Variants in ZWILCH observed in about 807,000 individuals in gnomAD.
The protein encoded by ZWILCH is zwilch kinetochore protein, also known as protein zwilch homolog.
Under a neutral mutation model 79.9 loss-of-function variants are expected in ZWILCH, and 74 were observed. The ratio of observed to expected loss-of-function variants is 0.93; its 90% CI spans 0.77 to 1.12. ZWILCH has a LOEUF of 1.12. Among genes scored for constraint, ZWILCH ranks in the 50% most tolerant of loss-of-function variants. The pLI is 0.00. For missense variants in ZWILCH, 694 were observed against 687.5 expected (o/e 1.01, Z -0.11); for synonymous variants, 241 against 228.2 (o/e 1.06, Z -0.51).
rs1894730574 is a variant in ZWILCH, at chr15:66,527,917, G to A, written c.969+5G>A. 13 of 1,595,358 alleles carry A rather than the reference G, an allele frequency of 8.1e-6. No individual in the cohort carries two copies. The highest frequency in any genetic ancestry group is 1.1e-5 in the Non-Finnish European group (13 of 1,173,334). On this transcript the variant is annotated splice_donor_5th_base_variant and intron_variant, in intron 10 of 18. Coordinates refer to ENST00000307897, the MANE Select transcript of ZWILCH (RefSeq NM_017975.5). ...AAAAAAGACACTGAGGTTGAGGTAA[G>A]TGATTATTATCAGTTAGAAATATAC...
At position 66,511,900 on chromosome 15, in the gene ZWILCH, C is replaced by A. The variant is rs572963819; in HGVS notation, c.106-2088C>A. ...AAAGTGCTGGGATTACATTCGTGAGCCACTGCACCCAGCCGTGAAAATGCT... is the reference window on the plus strand; with the variant it reads ...AAAGTGCTGGGATTACATTCGTGAGACACTGCACCCAGCCGTGAAAATGCT... On this transcript the variant is annotated intron_variant, in intron 2 of 18. Coordinates refer to ENST00000307897, the MANE Select transcript of ZWILCH (RefSeq NM_017975.5). Among the ~76,000 whole-genome samples the A allele has an allele frequency of 2.6e-4, 40 of 152,216 alleles. No individual in the cohort carries two copies. The South Asian group carries it at 3.1e-3, about 12-fold the overall frequency.
chr15:66,505,416 TG>T, intron 1 of ZWILCH, 25 bp downstream of exon 1: 1 of 1,613,534 alleles, frequency 6.2e-7, no homozygotes, highest in Non-Finnish European at 8.5e-7. Context: ...TTCTTTTGGC[TG>T]GGGTCCTGGG....
In ZWILCH at chr15:66,544,724, TTGTGTGTG is replaced by T. The variant is rs1555426547; in HGVS notation, c.1688-1839_1688-1832del. ...TGTTTTTTTGTTGTTTTTTTGGTTT[TTGTGTGTG>T]TGTGTGTGTGTGTGTGTGTGTGTGT... On this transcript the variant is annotated intron_variant, in intron 17 of 18. Coordinates refer to ENST00000307897, the MANE Select transcript of ZWILCH (RefSeq NM_017975.5). Among the ~76,000 whole-genome samples the T allele has an allele frequency of 4.7e-5, 6 of 128,544 alleles. No homozygotes were observed. The East Asian group carries it at 7.4e-4, about 16-fold the overall frequency. The allele number at this position is 128,544 out of a possible 152,430, so 84.3% of individuals were successfully genotyped here.
chr15:66,507,804 G>C (rs1400919266), intron 1 of ZWILCH, among the ~76,000 whole-genome samples: 2 of 152,018 alleles, frequency 1.3e-5, no homozygotes, highest in Non-Finnish European at 2.9e-5. Flanking sequence ...GTGGTGGCAG[G>C]CTCCTGTAGT....
In ZWILCH at chr15:66,549,866, G is replaced by T; in HGVS notation, c.*1542G>T. ...GTTTATCTTTCATGGTAGATTAAATGCTTTAAAATGCTTATAAATAGAAAT... is the reference window on the plus strand; with the variant it reads ...GTTTATCTTTCATGGTAGATTAAATTCTTTAAAATGCTTATAAATAGAAAT... On this transcript the variant is annotated 3_prime_UTR_variant, in exon 19 of 19. Transcript: ENST00000307897. 2.1e-6 allele frequency: 1 copy of T among 466,020 alleles called. No individual in the cohort carries two copies. The highest frequency in any genetic ancestry group is 4.5e-5 in the South Asian group (1 of 22,188). The allele number at this position is 466,020 out of a possible 1,614,324, so 28.9% of individuals were successfully genotyped here. A position where few individuals can be genotyped will look rare whatever the true frequency, so the allele number is the denominator to read the frequency against.
At chr15:66,523,438 A>T (rs1894572324) in intron 7 of ZWILCH, 1 of 355,134 alleles carries the variant, frequency 2.8e-6, no homozygotes, top group East Asian at 4.3e-5. Flanking sequence ...CCACATAGGT[A>T]CAATTGTTTA....
intron 14 of ZWILCH, among the ~76,000 whole-genome samples, chr15:66,535,298 A>G (rs1051147800): frequency 2.0e-5 from 3 of 152,314 alleles, no homozygotes; most frequent in Middle Eastern, 6.8e-3. Flanking sequence ...ATCACAGCTA[A>G]CAAGGGAATA....
chr15:66,548,562 TACC>T lies in ZWILCH; in HGVS notation c.*241_*243del. Reference sequence around the variant, plus strand: ...GGACACAGAGGGAGCAGACAGTGGGTACCACGATCTCCGTAACCATTTGCATGT... The same window carrying T: ...GGACACAGAGGGAGCAGACAGTGGGTACGATCTCCGTAACCATTTGCATGT... On this transcript the variant is annotated 3_prime_UTR_variant, in exon 19 of 19. Coordinates refer to ENST00000307897, the MANE Select transcript of ZWILCH (RefSeq NM_017975.5). 1 of 1,613,380 alleles carries T rather than the reference TACC, an allele frequency of 6.2e-7. No individual in the cohort carries two copies. Among genetic ancestry groups the T allele is most frequent in the Non-Finnish European group, 8.5e-7 (1 of 1,179,350 alleles).
At chr15:66,544,719 G>GTTGTGTGTGT (rs1555426538) in intron 17 of ZWILCH, among the ~76,000 whole-genome samples, 2 of 44,780 alleles carry the variant, frequency 4.5e-5, no homozygotes, top group African/African-American at 1.3e-4. Context: ...TTGTTTTTTT[G>GTTGTGTGTGT]GTTTTTGTGT....
At chr15:66,536,385 C>T (rs930067834) in intron 15 of ZWILCH, among the ~76,000 whole-genome samples, 3 of 152,136 alleles carry the variant, frequency 2.0e-5, no homozygotes, top group Admixed American at 2.0e-4. Flanking sequence ...TCTTTATATC[C>T]CTGTCAATTT....
chr15:66,520,151 T>TA (rs1894440546), intron 5 of ZWILCH, among the ~76,000 whole-genome samples: 1 of 151,498 alleles, frequency 6.6e-6, no homozygotes, highest in Admixed American at 6.6e-5. Context: ...GGTAGGATCT[T>TA]ACTCTGTCAC....
chr15:66,537,663 C>T (rs184179152), intron 16 of ZWILCH, among the ~76,000 whole-genome samples: 2 of 152,198 alleles, frequency 1.3e-5, no homozygotes, highest in African/African-American at 4.8e-5. Context: ...TGCACTCCAG[C>T]CTGGGCAACA....
chr15:66,520,992 T>C, intron 6 of ZWILCH, 58 bp from the exon 7 acceptor site: 3 of 1,571,254 alleles, frequency 1.9e-6, no homozygotes, highest in Non-Finnish European at 1.7e-6. Context: ...ATTTGGGTAA[T>C]GGACTCTTGG....
At chr15:66,506,696 C>T (rs545853809) in intron 1 of ZWILCH, among the ~76,000 whole-genome samples, 36 of 152,092 alleles carry the variant, frequency 2.4e-4, no homozygotes, top group African/African-American at 8.7e-4. Flanking sequence ...CTCCTATTAA[C>T]TAGGCATGGT....
At chr15:66,505,494 C>G in intron 1 of ZWILCH, 103 bp downstream of exon 1, 1 of 1,416,474 alleles carries the variant, frequency 7.1e-7, no homozygotes, top group South Asian at 1.2e-5. Context: ...GGGATCAGCG[C>G]TTTGCCAGCT....
chr15:66,542,259 G>A (rs1461567236), intron 17 of ZWILCH, among the ~76,000 whole-genome samples: 8 of 152,194 alleles, frequency 5.3e-5, no homozygotes, highest in Admixed American at 4.6e-4. Flanking sequence ...GACTAGCCTG[G>A]CCAGCACGGT....
chr15:66,519,478 G>A (rs191528491), intron 5 of ZWILCH, among the ~76,000 whole-genome samples: 7 of 152,130 alleles, frequency 4.6e-5, no homozygotes, highest in African/African-American at 1.4e-4. Context: ...ATTTTGAGAC[G>A]GAGTCTTGCT....
chr15:66,532,226 T>C, intron 12 of ZWILCH, 21 bp from the exon 13 acceptor site: 1 of 1,546,870 alleles, frequency 6.5e-7, no homozygotes, highest in South Asian at 1.3e-5. Flanking sequence ...CATGGTTTTA[T>C]AAAATTTTCC....
At chr15:66,526,107 G>T (rs894606034) in intron 8 of ZWILCH, among the ~76,000 whole-genome samples, 1 of 152,008 alleles carries the variant, frequency 6.6e-6, no homozygotes, top group Non-Finnish European at 1.5e-5. Context: ...AGTGGGAGAT[G>T]ATAGCATTTC....
Sources: gnomAD v4.1 joint callset for allele counts (sites outside exome capture counted in the v4.1 genomes callset) on GRCh38, gnomAD v4.1.1 for gene constraint, MANE v1.5 for transcripts, NCBI Gene and HGNC (gene_info 2026-07-23, HGNC 2026-07-21) for gene names.